Variants in DHCR7 observed in about 807,000 individuals in gnomAD.
DHCR7 encodes the protein 7-DHC reductase.
DHCR7 carries 40 observed loss-of-function variants against 43.3 expected under a neutral mutation model. The ratio of observed to expected loss-of-function variants is 0.92; its 90% CI spans 0.72 to 1.20. The LOEUF (loss-of-function observed/expected upper bound fraction) is 1.20, where lower values mean the gene tolerates loss of function less well. Among genes scored for constraint, DHCR7 ranks in the 50% most tolerant of loss-of-function variants. DHCR7 has a pLI of 0.00. For missense variants in DHCR7, 608 were observed against 644.6 expected (o/e 0.94, Z 0.62); for synonymous variants, 298 against 271.4 (o/e 1.10, Z -0.96).
chr11:71,444,540 G>A (rs1949386062), intron 3 of DHCR7, among the ~76,000 whole-genome samples: 1 of 152,198 alleles, frequency 6.6e-6, no homozygotes, highest in Non-Finnish European at 1.5e-5. Flanking sequence ...CACCCTGCAC[G>A]AAGTCCCCAT....
At position 71,444,845 on chromosome 11, in the gene DHCR7, A is replaced by T. The variant is rs1220918028; in HGVS notation, c.98+10T>A. 2 of 1,612,684 alleles carry T rather than the reference A, an allele frequency of 1.2e-6. No homozygotes were observed. Among genetic ancestry groups the T allele is most frequent in the Non-Finnish European group, 1.7e-6 (2 of 1,178,734 alleles). ...TACTTTCTAGCTGGGAGAACAGGCA[A>T]GATCCTTACCAGGCACGGCCCCACT... On this transcript the variant is annotated intron_variant, in intron 3 of 8. Coordinates refer to ENST00000355527, the MANE Select transcript of DHCR7 (RefSeq NM_001360.3).
At chr11:71,437,757 G>A in intron 8 of DHCR7, 55 bp downstream of exon 8, 1 of 1,611,184 alleles carries the variant, frequency 6.2e-7, no homozygotes, top group Non-Finnish European at 8.5e-7. Context: ...CAAGGAGAAA[G>A]CTTAGCATGT....
chr11:71,447,271 C>A (rs1488434163), intron 2 of DHCR7, among the ~76,000 whole-genome samples: 4 of 152,174 alleles, frequency 2.6e-5, no homozygotes, highest in Admixed American at 2.6e-4. Context: ...GGATGTGTAA[C>A]CTCAGAACTA....
Position 71,439,101 on chromosome 11 carries a change from A to T in DHCR7, c.627-18T>A. 6.2e-7 allele frequency: 1 copy of T among 1,606,632 alleles called. No homozygotes were observed. Among genetic ancestry groups the T allele is most frequent in the Non-Finnish European group, 8.5e-7 (1 of 1,174,642 alleles). On this transcript the variant is annotated intron_variant, in intron 6 of 8. Coordinates refer to ENST00000355527, the MANE Select transcript of DHCR7 (RefSeq NM_001360.3). ...TGAATTTGCTTAAAAATATAAATAAAAGATACATTTAGTGGATGAGCATAT... is the reference window on the plus strand; with the variant it reads ...TGAATTTGCTTAAAAATATAAATAATAGATACATTTAGTGGATGAGCATAT...
rs1949346801 is a variant in DHCR7, at chr11:71,441,399, G to A, written c.454C>T (p.Leu152Phe). Reference protein sequence around the residue: ...KYQINGLQAWLLTHLLWFANA... With the variant: ...KYQINGLQAWFLTHLLWFANA... ...GCAAACCAGAGCAGGTGCGTGAGGAGCCAGGCTTGCAGGCCATTGATCTGA... is the reference window on the plus strand; with the variant it reads ...GCAAACCAGAGCAGGTGCGTGAGGAACCAGGCTTGCAGGCCATTGATCTGA... Residue 152 changes from leucine (L) to phenylalanine (F), a missense_variant, in exon 6 of 9, where the codon CTC (leucine) becomes TTC (phenylalanine). By Grantham distance (22) the Leu-to-Phe change is conservative. Transcript: ENST00000355527. 1.2e-6 allele frequency: 2 copies of A among 1,614,090 alleles called. No homozygotes were observed. Among genetic ancestry groups the A allele is most frequent in the Non-Finnish European group, 1.7e-6 (2 of 1,179,938 alleles).
chr11:71,445,010 C>T, intron 2 of DHCR7, 52 bp from the exon 3 acceptor site: 1 of 1,518,738 alleles, frequency 6.6e-7, no homozygotes. Flanking sequence ...CAGACACCAC[C>T]TTTCCCTGTT....
At chr11:71,437,754 A>T in intron 8 of DHCR7, 58 bp downstream of exon 8, 1 of 1,610,856 alleles carries the variant, frequency 6.2e-7, no homozygotes, top group Non-Finnish European at 8.5e-7. Flanking sequence ...CTGCAAGGAG[A>T]AAGCTTAGCA....
chr11:71,427,842 C>T (rs555546516), downstream of DHCR7, among the ~76,000 whole-genome samples: 266 of 152,278 alleles, frequency 1.7e-3, 1 homozygote, highest in African/African-American at 6.3e-3. Context: ...ATTAAGCAGC[C>T]AGGACTTTTC....
downstream of DHCR7, among the ~76,000 whole-genome samples, chr11:71,432,264 G>T (rs1031698625): frequency 3.3e-5 from 5 of 152,248 alleles, no homozygotes; most frequent in Admixed American, 3.3e-4. Context: ...CTGGCTTCTT[G>T]TTGACCTTGG....
upstream of DHCR7, chr11:71,448,454 C>T (rs1453409461): frequency 1.3e-5 from 2 of 152,358 alleles, no homozygotes; most frequent in South Asian, 2.1e-4. Flanking sequence ...GAGGCGGACC[C>T]TGCACGCCCG....
intron 4 of DHCR7, among the ~76,000 whole-genome samples, chr11:71,443,036 A>C (rs1258284866): frequency 6.6e-6 from 1 of 152,176 alleles, no homozygotes; most frequent in Non-Finnish European, 1.5e-5. Flanking sequence ...TATTGCATAT[A>C]AAGGGAACCA....
intron 2 of DHCR7, chr11:71,428,941 C>G (rs920109990): frequency 4.6e-6 from 2 of 438,586 alleles, no homozygotes; most frequent in South Asian, 1.7e-5. Flanking sequence ...AATTCAAATG[C>G]CTCCCGCCTC....
chr11:71,441,143 A>T (rs1471649847), intron 6 of DHCR7, 84 bp downstream of exon 6: 1 of 1,335,040 alleles, frequency 7.5e-7, no homozygotes, highest in Non-Finnish European at 1.1e-6. Context: ...AGGGCTTTAC[A>T]ACCACCTGCC....
chr11:71,448,964 T>C (rs1402076365), upstream of DHCR7: 2 of 152,480 alleles, frequency 1.3e-5, no homozygotes, highest in Non-Finnish European at 2.9e-5. Context: ...GGTGGCCTGC[T>C]TATTAGGGGG....
rs1358681796 is a variant in DHCR7 at position 71,435,251 on chromosome 11, G to A, written c.*124C>T. 4 of 1,025,834 alleles carry A rather than the reference G, an allele frequency of 3.9e-6. No individual in the cohort carries two copies. Among genetic ancestry groups the A allele is most frequent in the Non-Finnish European group, 6.0e-6 (4 of 663,002 alleles). The allele number at this position is 1,025,834 out of a possible 1,614,324, so 63.5% of individuals were successfully genotyped here. On this transcript the variant is annotated 3_prime_UTR_variant, in exon 9 of 9. Coordinates refer to ENST00000355527, the MANE Select transcript of DHCR7 (RefSeq NM_001360.3). ...GTACTGGACACCTGCCAAGTGCTGG[G>A]CTCTCTCCAGTTTACAGATGAGGAA...
At chr11:71,431,848 G>A (rs1949229744), downstream of DHCR7, among the ~76,000 whole-genome samples, 1 of 152,046 alleles carries the variant, frequency 6.6e-6, no homozygotes, top group African/African-American at 2.4e-5. Flanking sequence ...TTGAGACAGG[G>A]TCTTGCTCTG....
At chr11:71,432,484 G>A (rs1255522695), downstream of DHCR7, among the ~76,000 whole-genome samples, 1 of 152,160 alleles carries the variant, frequency 6.6e-6, no homozygotes, top group Non-Finnish European at 1.5e-5. Context: ...TGATACATGT[G>A]TAAATTGCAG....
In DHCR7 at chr11:71,437,807, C is replaced by G; in HGVS notation, c.963+5G>C. The G allele has an allele frequency of 6.2e-7, 1 of 1,613,796 alleles. No homozygotes were observed. The highest frequency in any genetic ancestry group is 8.5e-7 in the Non-Finnish European group (1 of 1,180,008). ...CCGCTGGGCCAGCTCTGCCCACCTC[C>G]TCACCTGCAGCGTGTAAAGATAAGG... is the stretch of plus-strand genomic sequence containing the variant. On this transcript the variant is annotated splice_donor_5th_base_variant and intron_variant, in intron 8 of 8. Transcript: ENST00000355527.
At chr11:71,445,077 G>A in intron 2 of DHCR7, 119 bp from the exon 3 acceptor site, 7 of 810,096 alleles carry the variant, frequency 8.6e-6, no homozygotes, top group South Asian at 5.9e-5. Context: ...CATCTTCCCG[G>A]TACCTTGTTC....
Sources: gnomAD v4.1 joint callset for allele counts (sites outside exome capture counted in the v4.1 genomes callset) on GRCh38, gnomAD v4.1.1 for gene constraint, MANE v1.5 for transcripts, NCBI Gene and HGNC (gene_info 2026-07-23, HGNC 2026-07-21) for gene names.